The following XRCC1 variants were observed in gnomAD, a reference collection of about 807,000 sequenced individuals.
The protein encoded by XRCC1 is DNA repair protein XRCC1.
In XRCC1, 52 loss-of-function variants were observed where a neutral mutation model predicts 83.3. That is an observed-to-expected ratio of 0.62 (90% CI 0.50 to 0.79). XRCC1 has a LOEUF of 0.79. Ranked by LOEUF, XRCC1 falls within the 30% of genes least tolerant of loss-of-function variation. The pLI, the probability that XRCC1 is intolerant of heterozygous loss-of-function variation, is 0.00. For missense variants in XRCC1, 793 were observed against 823.5 expected (o/e 0.96, Z 0.45); for synonymous variants, 281 against 312.6 (o/e 0.90, Z 1.07).
At chr19:43,552,710 A>G in intron 8 of XRCC1, 87 bp downstream of exon 8, 1 of 1,285,750 alleles carries the variant, frequency 7.8e-7, no homozygotes, top group Non-Finnish European at 1.1e-6. Context: ...TTCCTCCCTC[A>G]GATTCAGGAC....
At chr19:43,549,117 A>G (rs1972551113) in intron 10 of XRCC1, among the ~76,000 whole-genome samples, 1 of 152,180 alleles carries the variant, frequency 6.6e-6, no homozygotes, top group South Asian at 2.1e-4. Flanking sequence ...TTTAAAATGT[A>G]GTAGTTCATT....
chr19:43,569,432 T>G (rs1972786012), intron 2 of XRCC1, among the ~76,000 whole-genome samples: 1 of 145,106 alleles, frequency 6.9e-6, no homozygotes, highest in African/African-American at 2.6e-5. Context: ...GCTGAGATGG[T>G]GCCACTGCAC....
At chr19:43,561,561 A>G (rs1972699248) in intron 2 of XRCC1, among the ~76,000 whole-genome samples, 1 of 152,204 alleles carries the variant, frequency 6.6e-6, no homozygotes, top group Admixed American at 6.5e-5. Flanking sequence ...AATGGGAATG[A>G]CCACCATATC....
intron 3 of XRCC1, among the ~76,000 whole-genome samples, chr19:43,555,978 C>T (rs1972632153): frequency 6.6e-6 from 1 of 152,152 alleles, no homozygotes; most frequent in Admixed American, 6.6e-5. Context: ...CAGCCTCGAC[C>T]TCTGGGTCTC....
rs1001763197 is a variant in XRCC1 at position 43,556,682 on chromosome 19, G to A, written c.256-1878C>T. ...AAGCCAGGCATGGTGGCAGACGCCT[G>A]TTGTCCCAGCTACTCGGGAGGCTGA... On this transcript the variant is annotated intron_variant, in intron 3 of 16. Transcript: ENST00000262887. 1.1e-4 allele frequency among the ~76,000 whole-genome samples: 17 copies of A among 152,054 alleles called. 1 individual carries two copies. Among genetic ancestry groups the A allele is most frequent in the Admixed American group, 3.3e-4 (5 of 15,260 alleles).
intron 10 of XRCC1, among the ~76,000 whole-genome samples, chr19:43,547,806 T>G (rs1233031204): frequency 6.6e-6 from 1 of 152,070 alleles, no homozygotes; most frequent in African/African-American, 2.4e-5. Flanking sequence ...AGAATTCCCC[T>G]CCCTCTTGGG....
chr19:43,543,773 C>G, intron 15 of XRCC1, 86 bp from the exon 16 acceptor site: 1 of 1,240,326 alleles, frequency 8.1e-7, no homozygotes, highest in Non-Finnish European at 1.2e-6. Flanking sequence ...AATGGCTGTC[C>G]CCACACTGTC....
intron 14 of XRCC1, 67 bp from the exon 15 acceptor site, chr19:43,544,301 G>T: frequency 7.2e-7 from 1 of 1,380,370 alleles, no homozygotes; most frequent in African/African-American, 1.4e-5. Context: ...AAACAGGAGT[G>T]ACGAGGCTGA....
chr19:43,553,355 T>C, intron 6 of XRCC1, 46 bp downstream of exon 6: 1 of 1,598,186 alleles, frequency 6.3e-7, no homozygotes, highest in Non-Finnish European at 8.6e-7. Context: ...CCCACGAGTC[T>C]AGGTCTCAAC....
chr19:43,543,618 A>G lies in XRCC1; in HGVS notation c.1782T>C (p.Phe594=), dbSNP rs1469111006. 2.5e-6 allele frequency: 4 copies of G among 1,613,882 alleles called. No individual in the cohort carries two copies. The highest frequency in any genetic ancestry group is 3.4e-6 in the Non-Finnish European group (4 of 1,179,968). ...CTGCCTCTTTGGTACTCACCTCCTC[A>G]AAGCTGGGATCCCATTCCTGTGCTG... The part of the protein sequence containing the change: ...VITAQEWDPS[F]EEALMDNPSL... Residue 594 remains phenylalanine, a synonymous_variant, in exon 16 of 17, where the codon TTT becomes TTC. Coordinates refer to ENST00000262887, the MANE Select transcript of XRCC1 (RefSeq NM_006297.3).
intron 3 of XRCC1, among the ~76,000 whole-genome samples, chr19:43,560,661 G>T (rs915301038): frequency 1.3e-5 from 2 of 152,202 alleles, no homozygotes; most frequent in African/African-American, 4.8e-5. Context: ...CTGACCTCCA[G>T]AACAGTCGAA....
intron 2 of XRCC1, 119 bp from the exon 3 acceptor site, chr19:43,561,139 G>A (rs1020109630): frequency 1.1e-5 from 9 of 796,158 alleles, no homozygotes; most frequent in South Asian, 4.4e-5. Context: ...CTGTGAGGGG[G>A]CACACCAGGG....
At chr19:43,574,056 T>A (rs552369883) in intron 2 of XRCC1, among the ~76,000 whole-genome samples, 1 of 151,962 alleles carries the variant, frequency 6.6e-6, no homozygotes, top group East Asian at 2.0e-4. Context: ...TAACGTTGAA[T>A]AATGCCAGCT....
chr19:43,543,936 G>C (rs146688273), intron 15 of XRCC1, among the ~76,000 whole-genome samples: 9 of 152,154 alleles, frequency 5.9e-5, no homozygotes, highest in Non-Finnish European at 1.2e-4. Flanking sequence ...CCATACAGAA[G>C]AGGAAACTGA....
intron 2 of XRCC1, among the ~76,000 whole-genome samples, chr19:43,567,369 G>A (rs1972764224): frequency 6.6e-6 from 1 of 151,830 alleles, no homozygotes; most frequent in Admixed American, 6.6e-5. Flanking sequence ...CTGGAGTGCA[G>A]TGGTGCAATC....
intron 15 of XRCC1, 137 bp downstream of exon 15, chr19:43,544,007 T>C: frequency 1.2e-6 from 1 of 854,374 alleles, no homozygotes; most frequent in South Asian, 1.7e-5. Flanking sequence ...TTCCATGACC[T>C]GTGCCCACCT....
Position 43,552,132 on chromosome 19 carries a change from C to T in XRCC1, c.967G>A (p.Val323Met). Residue 323 changes from valine to methionine, a missense_variant, in exon 9 of 17, where the codon GTG becomes ATG. Physicochemically the swap from Val to Met is conservative, Grantham distance 21. Coordinates refer to ENST00000262887, the MANE Select transcript of XRCC1 (RefSeq NM_006297.3). ...PEELGKILQG[V>M]VVVLSGFQNP... Reference sequence around the variant, plus strand: ...TGGAAGCCACTCAGCACCACTACCACACCCTGAAGGATCTTCCCCAGCTCC... The same window carrying T: ...TGGAAGCCACTCAGCACCACTACCATACCCTGAAGGATCTTCCCCAGCTCC... The T allele has an allele frequency of 6.2e-7, 1 of 1,614,132 alleles. No individual in the cohort carries two copies. Among genetic ancestry groups the T allele is most frequent in the Non-Finnish European group, 8.5e-7 (1 of 1,180,000 alleles).
At chr19:43,563,471 C>T (rs1380279732) in intron 2 of XRCC1, among the ~76,000 whole-genome samples, 3 of 152,096 alleles carry the variant, frequency 2.0e-5, no homozygotes, top group Non-Finnish European at 2.9e-5. Flanking sequence ...CCAGCTTGGG[C>T]GATGGAGTGA....
intron 1 of XRCC1, among the ~76,000 whole-genome samples, 184 bp from the exon 2 acceptor site, chr19:43,575,186 T>C (rs558881632): frequency 6.6e-6 from 1 of 152,278 alleles, no homozygotes; most frequent in Non-Finnish European, 1.5e-5. Flanking sequence ...AGTTCACCTA[T>C]GGGCTCTCCA....
Sources: gnomAD v4.1 joint callset for allele counts (sites outside exome capture counted in the v4.1 genomes callset) on GRCh38, gnomAD v4.1.1 for gene constraint, MANE v1.5 for transcripts, NCBI Gene and HGNC (gene_info 2026-07-23, HGNC 2026-07-21) for gene names.